The following PTAFR variants were observed in gnomAD, a reference collection of about 807,000 sequenced individuals.
The protein encoded by PTAFR is platelet-activating factor receptor.
Under a neutral mutation model 14.7 loss-of-function variants are expected in PTAFR, and 8 were observed. The ratio of observed to expected loss-of-function variants is 0.54; its 90% confidence interval spans 0.32 to 0.98. The LOEUF is 0.98. Among genes scored for constraint, PTAFR ranks in the 50% least tolerant of loss-of-function variants. The pLI, the probability that PTAFR is intolerant of heterozygous loss-of-function variation, is 0.04. For missense variants in PTAFR, 337 were observed against 451.2 expected (o/e 0.75, Z 2.29); for synonymous variants, 156 against 176.5 (o/e 0.88, Z 0.92).
intron 1 of PTAFR, among the ~76,000 whole-genome samples, chr1:28,154,656 C>CA (rs1223902333): frequency 1.3e-5 from 2 of 151,474 alleles, no homozygotes; most frequent in African/African-American, 4.8e-5. Flanking sequence ...TACTAAAATA[C>CA]AAAAAATTAG....
Position 28,150,144 on chromosome 1 carries a change from T to C in PTAFR, c.878A>G (p.Tyr293Cys), listed in dbSNP as rs1406583609. ...GCGGAACTTCTTGGTGAGGAAACAG[T>C]AGATAACAGGGTCTAAGACACAGTT... ...STNCVLDPVI[Y>C]CFLTKKFRKH... Residue 293 changes from tyrosine to cysteine, a missense_variant, in exon 2 of 2, where the codon TAC becomes TGC. By Grantham distance (194) the Tyr-to-Cys change is radical. Coordinates refer to ENST00000373857, the MANE Select transcript of PTAFR (RefSeq NM_000952.5). The surrounding 1 kb of genome is among the most constrained non-coding windows in gnomAD (Gnocchi z 6.3). 1 of 1,614,014 alleles carries C rather than the reference T, an allele frequency of 6.2e-7. No homozygotes were observed. The highest frequency in any genetic ancestry group is 1.3e-5 in the African/African-American group (1 of 74,978).
intron 1 of PTAFR, among the ~76,000 whole-genome samples, chr1:28,181,936 T>C (rs1057167483): frequency 8.0e-5 from 12 of 149,500 alleles, no homozygotes; most frequent in Admixed American, 1.3e-4. Context: ...CAGTGAGAAC[T>C]CACCTCTAAA....
At chr1:28,167,830 G>T (rs1273650449) in intron 1 of PTAFR, among the ~76,000 whole-genome samples, 1 of 150,608 alleles carries the variant, frequency 6.6e-6, no homozygotes, top group East Asian at 2.0e-4. Flanking sequence ...GTAGAGACGA[G>T]GTTTCGCCAT....
chr1:28,174,313 C>T (rs1334799581), intron 1 of PTAFR, among the ~76,000 whole-genome samples: 1 of 152,104 alleles, frequency 6.6e-6, no homozygotes, highest in Non-Finnish European at 1.5e-5. Flanking sequence ...GGGATCAGAA[C>T]AGGAAAGTGG....
At chr1:28,193,361 T>TG (rs1198943612) in intron 1 of PTAFR, among the ~76,000 whole-genome samples, 1 of 152,120 alleles carries the variant, frequency 6.6e-6, no homozygotes, top group Admixed American at 6.6e-5. Flanking sequence ...TATTGTCCGT[T>TG]GGTGCCCGTT....
At chr1:28,173,982 A>T (rs983243811) in intron 1 of PTAFR, among the ~76,000 whole-genome samples, 2 of 152,152 alleles carry the variant, frequency 1.3e-5, no homozygotes, top group South Asian at 4.1e-4. Flanking sequence ...AGCAGGCCAC[A>T]TGCAGCCCGG....
intron 1 of PTAFR, among the ~76,000 whole-genome samples, chr1:28,154,833 TG>T (rs34844059): frequency 8.5e-4 from 27 of 31,946 alleles, no homozygotes; most frequent in South Asian, 2.2e-3. Context: ...AAAAAAAAAG[TG>T]GGGGGGGAGG....
At chr1:28,186,934 A>G (rs1488967360) in intron 1 of PTAFR, among the ~76,000 whole-genome samples, 2 of 152,018 alleles carry the variant, frequency 1.3e-5, no homozygotes, top group South Asian at 2.1e-4. Flanking sequence ...CAATCAATCA[A>G]TCAATCAATC....
At chr1:28,181,522 G>A (rs1027697162), upstream of PTAFR, among the ~76,000 whole-genome samples, 6 of 152,046 alleles carry the variant, frequency 3.9e-5, no homozygotes, top group African/African-American at 4.8e-5. Flanking sequence ...TGAGGCGGGC[G>A]GATCACCTGA....
At chr1:28,172,825 C>T (rs1646466338) in intron 1 of PTAFR, among the ~76,000 whole-genome samples, 2 of 152,026 alleles carry the variant, frequency 1.3e-5, no homozygotes, top group African/African-American at 4.8e-5. Flanking sequence ...AGCTCTGAGC[C>T]TTGGGGTTTT....
intron 1 of PTAFR, among the ~76,000 whole-genome samples, chr1:28,151,844 C>T (rs2148992646): frequency 6.6e-6 from 1 of 152,202 alleles, no homozygotes; most frequent in South Asian, 2.1e-4. Flanking sequence ...CATGAACATC[C>T]TCCAGAACTA....
chr1:28,163,240 G>A (rs1206816859), intron 1 of PTAFR, among the ~76,000 whole-genome samples: 2 of 152,116 alleles, frequency 1.3e-5, no homozygotes, highest in East Asian at 3.8e-4. Flanking sequence ...TTCTTCTCTG[G>A]GTCCCTATGC....
intron 1 of PTAFR, among the ~76,000 whole-genome samples, chr1:28,170,736 C>T (rs1317926989): frequency 3.3e-5 from 5 of 151,618 alleles, no homozygotes; most frequent in African/African-American, 1.2e-4. Flanking sequence ...CGCGGTGGCT[C>T]ACGCCTGTAA....
intron 1 of PTAFR, among the ~76,000 whole-genome samples, chr1:28,169,584 G>C (rs1357046687): frequency 6.6e-6 from 1 of 152,154 alleles, no homozygotes; most frequent in Non-Finnish European, 1.5e-5. Flanking sequence ...TCCTACCACA[G>C]AACCACAGCC....
At chr1:28,158,473 G>A (rs1646290972) in intron 1 of PTAFR, among the ~76,000 whole-genome samples, 1 of 152,230 alleles carries the variant, frequency 6.6e-6, no homozygotes, top group Non-Finnish European at 1.5e-5. Flanking sequence ...GCCGAAGCGG[G>A]TGGATCATCA....
chr1:28,177,255 G>A (rs376974501), upstream of PTAFR: 3 of 152,440 alleles, frequency 2.0e-5, no homozygotes, highest in African/African-American at 7.2e-5. Context: ...GGGGAGTGGA[G>A]GAAAGAGAAT....
intron 1 of PTAFR, among the ~76,000 whole-genome samples, chr1:28,174,334 C>G (rs1489049868): frequency 1.3e-5 from 2 of 152,080 alleles, no homozygotes; most frequent in Non-Finnish European, 2.9e-5. Context: ...GGGATGCCAC[C>G]AAGAAAGAGA....
At chr1:28,169,054 A>C (rs1646424131) in intron 1 of PTAFR, among the ~76,000 whole-genome samples, 1 of 152,202 alleles carries the variant, frequency 6.6e-6, no homozygotes, top group African/African-American at 2.4e-5. Context: ...ATTATACAAC[A>C]ATGTGAATAT....
chr1:28,182,128 G>C (rs1190009627), intron 1 of PTAFR, among the ~76,000 whole-genome samples: 2 of 152,074 alleles, frequency 1.3e-5, no homozygotes, highest in Non-Finnish European at 2.9e-5. Context: ...TTGAAGTCAG[G>C]AGTTCGAGAC....
Sources: allele counts gnomAD v4.1 joint callset (sites outside exome capture counted in the v4.1 genomes callset), GRCh38; gene constraint gnomAD v4.1.1; non-coding constraint Gnocchi (gnomAD v3.1); transcripts MANE v1.5; gene names NCBI Gene and HGNC (gene_info 2026-07-23, HGNC 2026-07-21).